The following THSD4 variants were observed in gnomAD, a reference collection of about 807,000 sequenced individuals.
THSD4 encodes thrombospondin type-1 domain-containing protein 4.
Under a neutral mutation model 119.0 loss-of-function variants are expected in THSD4, and 69 were observed. The observed-to-expected ratio is 0.58, with a 90% CI of 0.48 to 0.71. The LOEUF (loss-of-function observed/expected upper bound fraction) is 0.71, where lower values mean the gene tolerates loss of function less well. THSD4 is among the 30% of genes least tolerant of loss of function. The pLI is 0.00. For synonymous variants in THSD4, 524 were observed against 540.4 expected (o/e 0.97, Z 0.42); for missense variants, 1,393 against 1,391.1 (o/e 1.00, Z -0.02).
intron 6 of THSD4, among the ~76,000 whole-genome samples, chr15:71,371,611 C>T (rs749706634): frequency 6.6e-6 from 1 of 152,206 alleles, no homozygotes. Context: ...TGGACCCCCA[C>T]TGACTTCTGG....
intron 3 of THSD4, among the ~76,000 whole-genome samples, chr15:71,160,267 C>T (rs2043238781): frequency 6.6e-6 from 1 of 151,434 alleles, no homozygotes; most frequent in South Asian, 2.1e-4. Context: ...AATATTGGCC[C>T]ATAGTTTTCT....
Position 71,097,421 on chromosome 15 carries a change from C to T in THSD4, c.-80+415C>T, listed in dbSNP as rs186623891. ...CTCTACAAAAAATACAAAAATTAGC[C>T]AGACAGTGGTGGCGTATGCCTGTGG... On this transcript the variant is annotated intron_variant, in intron 1 of 17. Transcript: ENST00000355327. Among the ~76,000 whole-genome samples, 44 of 151,980 alleles carry T rather than the reference C, an allele frequency of 2.9e-4. 1 individual carries two copies. Among genetic ancestry groups the T allele is most frequent in the African/African-American group, 1.0e-3 (42 of 41,460 alleles).
intron 1 of THSD4, among the ~76,000 whole-genome samples, chr15:71,102,352 A>G (rs1438130421): frequency 1.3e-5 from 2 of 151,956 alleles, no homozygotes; most frequent in Non-Finnish European, 2.9e-5. Context: ...TAGGAGTGTA[A>G]TGACACAAAT....
chr15:71,229,772 A>C, intron 4 of THSD4, among the ~76,000 whole-genome samples: 1 of 152,204 alleles, frequency 6.6e-6, no homozygotes, highest in East Asian at 1.9e-4. Flanking sequence ...CATCTAAATA[A>C]CTTCCTCTAA....
rs1223073045 is a variant in THSD4 at position 71,433,943 on chromosome 15, GC to G, written c.1152+22123del. Among the ~76,000 whole-genome samples, 12 of 152,244 alleles carry G rather than the reference GC, an allele frequency of 7.9e-5. No individual in the cohort carries two copies. The East Asian group carries it at 2.3e-3, about 29-fold the overall frequency. On this transcript the variant is annotated intron_variant, in intron 7 of 17. Coordinates refer to ENST00000261862, the MANE Select transcript of THSD4 (RefSeq NM_024817.3). ...GAACTTTGGGGAACCCCATTAGCCG[GC>G]CCTTAGAGCTTTAGCTCACAGACAA...
At chr15:71,247,901 A>C (rs1042025424) in intron 5 of THSD4, among the ~76,000 whole-genome samples, 1 of 152,210 alleles carries the variant, frequency 6.6e-6, no homozygotes, top group Non-Finnish European at 1.5e-5. Context: ...AGGGATTGCA[A>C]CAGAGGAAGG....
At chr15:71,193,866 A>G (rs1007144647) in intron 3 of THSD4, among the ~76,000 whole-genome samples, 1 of 152,022 alleles carries the variant, frequency 6.6e-6, no homozygotes, top group Non-Finnish European at 1.5e-5. Context: ...GCCCGCCGCC[A>G]CGCCCAGCTA....
rs2053994191 is a variant in THSD4 at position 71,781,265 on chromosome 15, C to T, written c.*3891C>T. ...GAATAAAACTTGGATGTTAAAAATT[C>T]ACCAGGAATCCACATAAAGTACTAT... is the stretch of plus-strand genomic sequence containing the variant. On this transcript the variant is annotated 3_prime_UTR_variant, in exon 18 of 18. Coordinates refer to ENST00000261862, the MANE Select transcript of THSD4 (RefSeq NM_024817.3). The T allele has an allele frequency of 6.4e-6, 1 of 156,396 alleles. No homozygotes were observed. The highest frequency in any genetic ancestry group is 1.4e-5 in the Non-Finnish European group (1 of 70,438). The allele number at this position is 156,396 out of a possible 1,614,324, so 9.7% of individuals were successfully genotyped here. A position where few individuals can be genotyped will look rare whatever the true frequency, so the allele number is the denominator to read the frequency against.
At chr15:71,275,505 C>G (rs1210664578) in intron 6 of THSD4, among the ~76,000 whole-genome samples, 1 of 152,152 alleles carries the variant, frequency 6.6e-6, no homozygotes, top group Non-Finnish European at 1.5e-5. Flanking sequence ...AAGAGGTTTT[C>G]AGAGTTAGAT....
intron 8 of THSD4, among the ~76,000 whole-genome samples, chr15:71,699,028 A>G (rs2052228073): frequency 6.6e-6 from 1 of 152,172 alleles, no homozygotes; most frequent in Admixed American, 6.5e-5. Context: ...ACAATACTGT[A>G]TTGCATACTT....
chr15:71,296,467 T>A (rs1433005060), intron 6 of THSD4, among the ~76,000 whole-genome samples: 1 of 152,162 alleles, frequency 6.6e-6, no homozygotes, highest in African/African-American at 2.4e-5. Flanking sequence ...CTAAGGCCTG[T>A]TGTCTCTATT....
At chr15:71,518,467 C>T (rs1198832029) in intron 7 of THSD4, among the ~76,000 whole-genome samples, 1 of 152,136 alleles carries the variant, frequency 6.6e-6, no homozygotes, top group African/African-American at 2.4e-5. Flanking sequence ...TTTTGTACTG[C>T]TCCAGACTCT....
intron 7 of THSD4, among the ~76,000 whole-genome samples, chr15:71,593,662 G>A (rs969990359): frequency 2.6e-5 from 4 of 152,072 alleles, no homozygotes; most frequent in Admixed American, 1.3e-4. Context: ...TTGGGAGGCC[G>A]AGGTGGGTGG....
intron 7 of THSD4, among the ~76,000 whole-genome samples, chr15:71,459,031 T>C (rs1010045516): frequency 4.6e-5 from 7 of 152,192 alleles, no homozygotes; most frequent in Non-Finnish European, 7.3e-5. Context: ...AACACTTGGA[T>C]TGAAAATATT....
chr15:71,312,924 AGTT>A (rs1340048412), intron 6 of THSD4, among the ~76,000 whole-genome samples: 1 of 152,010 alleles, frequency 6.6e-6, no homozygotes, highest in East Asian at 1.9e-4. Flanking sequence ...AAACTTTTGG[AGTT>A]GGTTTACTTA....
chr15:71,724,183 G>A (rs12437539), intron 8 of THSD4, among the ~76,000 whole-genome samples: 131,092 of 146,710 alleles, frequency 0.89, 60,248 homozygotes, highest in Non-Finnish European at 1. Flanking sequence ...AAAAGAAGGC[G>A]CAGGAGCAGA....
chr15:71,764,483 G>A (rs938893649), intron 15 of THSD4, among the ~76,000 whole-genome samples: 4 of 152,236 alleles, frequency 2.6e-5, no homozygotes, highest in Non-Finnish European at 5.9e-5. Flanking sequence ...CACAGTTCCC[G>A]CTGGCTGCCC....
intron 8 of THSD4, among the ~76,000 whole-genome samples, chr15:71,667,788 CA>C (rs2051444912): frequency 6.6e-6 from 1 of 152,070 alleles, no homozygotes; most frequent in Admixed American, 6.5e-5. Context: ...TGAAATAGAG[CA>C]AAAAGGTAAA....
rs537572085 is a variant in THSD4, at chr15:71,211,550, A to G, written c.100-3485A>G. Among the ~76,000 whole-genome samples, 554 of 152,178 alleles carry G rather than the reference A, an allele frequency of 3.6e-3. 2 individuals are homozygous for G. The highest frequency in any genetic ancestry group is 0.011 in the African/African-American group (442 of 41,490). On this transcript the variant is annotated intron_variant, in intron 3 of 17. Transcript: ENST00000261862. The stretch of plus-strand genomic sequence containing the variant: ...ATGGGGGCCTCACCCTCATGACCTC[A>G]TCTAAACCTAGTTACCTCCCAAAGG...
Sources: allele counts gnomAD v4.1 joint callset (sites outside exome capture counted in the v4.1 genomes callset), GRCh38; gene constraint gnomAD v4.1.1; transcripts MANE v1.5; gene names NCBI Gene and HGNC (gene_info 2026-07-23, HGNC 2026-07-21).